The following GANC variants were observed in gnomAD, a reference collection of about 807,000 sequenced individuals.
The protein encoded by GANC is neutral alpha-glucosidase C.
GANC carries 117 observed loss-of-function variants against 124.2 expected under a neutral mutation model. The observed-to-expected ratio is 0.94, with a 90% CI of 0.81 to 1.10. GANC has a LOEUF of 1.10. GANC is among the 50% of genes least tolerant of loss of function. GANC has a pLI of 0.00. For synonymous variants in GANC, 377 were observed against 376.8 expected (o/e 1.00, Z -0.01); for missense variants, 1,140 against 1,095.0 (o/e 1.04, Z -0.58).
chr15:42,328,357 T>C (rs1168555747), intron 13 of GANC, among the ~76,000 whole-genome samples: 1 of 152,152 alleles, frequency 6.6e-6, no homozygotes, highest in Non-Finnish European at 1.5e-5. Flanking sequence ...GCCTGCAAAG[T>C]TGAAAATATT....
chr15:42,319,528 T>G (rs933741570), intron 10 of GANC, among the ~76,000 whole-genome samples: 8 of 116,590 alleles, frequency 6.9e-5, no homozygotes, highest in Non-Finnish European at 1.5e-4. Context: ...TATTTATTTA[T>G]TTTAATTTTT....
intron 10 of GANC, among the ~76,000 whole-genome samples, chr15:42,316,038 A>G (rs145198935): frequency 6.6e-6 from 1 of 152,240 alleles, no homozygotes; most frequent in Non-Finnish European, 1.5e-5. Flanking sequence ...AATCCTATTA[A>G]TTCTGTTTCT....
intron 10 of GANC, among the ~76,000 whole-genome samples, chr15:42,320,630 G>GTTTTTTTTTTTTTTTT (rs1326685972): frequency 6.7e-6 from 1 of 150,316 alleles, no homozygotes; most frequent in African/African-American, 2.5e-5. Context: ...TGTATTTTTA[G>GTTTTTTTTTTTTTTTT]TAGAGACGGG....
intron 6 of GANC, among the ~76,000 whole-genome samples, chr15:42,306,029 T>TG (rs2051992003): frequency 1.2e-4 from 6 of 49,406 alleles, no homozygotes; most frequent in South Asian, 8.7e-4. Flanking sequence ...CCACCATGTC[T>TG]ATTTTTTTTT....
At chr15:42,307,713 T>C (rs1271850577) in intron 7 of GANC, among the ~76,000 whole-genome samples, 1 of 152,232 alleles carries the variant, frequency 6.6e-6, no homozygotes, top group Non-Finnish European at 1.5e-5. Context: ...GAGGAGTATT[T>C]TGAGGAACCA....
At chr15:42,296,629 G>A (rs1171434319) in intron 5 of GANC, among the ~76,000 whole-genome samples, 1 of 152,138 alleles carries the variant, frequency 6.6e-6, no homozygotes. Flanking sequence ...CTGACCTCAG[G>A]TAATCTACCC....
chr15:42,299,376 C>CG (rs2051923418), intron 6 of GANC, among the ~76,000 whole-genome samples: 1 of 152,080 alleles, frequency 6.6e-6, no homozygotes, highest in Non-Finnish European at 1.5e-5. Flanking sequence ...TATTGATTTG[C>CG]ATATGTTGAA....
At chr15:42,296,946 G>T (rs148024211) in intron 5 of GANC, among the ~76,000 whole-genome samples, 1,595 of 146,844 alleles carry the variant, frequency 0.011, 25 homozygotes, top group African/African-American at 0.037. Flanking sequence ...AATACAAACT[G>T]AAATGCATTT....
At chr15:42,334,369 G>A (rs1170396941) in intron 15 of GANC, among the ~76,000 whole-genome samples, 1 of 152,014 alleles carries the variant, frequency 6.6e-6, no homozygotes, top group African/African-American at 2.4e-5. Context: ...ACCATGTTGG[G>A]CAGTCCGGTC....
At chr15:42,326,240 C>T (rs1028049070) in intron 11 of GANC, 58 bp from the exon 12 acceptor site, 27 of 1,232,244 alleles carry the variant, frequency 2.2e-5, no homozygotes, top group East Asian at 1.6e-4. Flanking sequence ...AAAACATATA[C>T]GTGAACATTT....
At chr15:42,340,601 TAA>T (rs369001717) in intron 17 of GANC, 87 bp from the exon 18 acceptor site, 1,653 of 791,458 alleles carry the variant, frequency 2.1e-3, no homozygotes, top group East Asian at 4.0e-3. Flanking sequence ...GAGATCCATC[TAA>T]AAAAAAAAAA....
At chr15:42,319,959 C>T (rs763844147) in intron 10 of GANC, among the ~76,000 whole-genome samples, 4 of 152,008 alleles carry the variant, frequency 2.6e-5, no homozygotes, top group Non-Finnish European at 5.9e-5. Context: ...CCAAGATGGG[C>T]GATCACCTAA....
At chr15:42,304,417 A>C (rs1442590918) in intron 6 of GANC, among the ~76,000 whole-genome samples, 1 of 152,220 alleles carries the variant, frequency 6.6e-6, no homozygotes, top group Non-Finnish European at 1.5e-5. Context: ...AAGGGATGTA[A>C]AGGACCTCTT....
chr15:42,330,816 C>CT (rs1459422478), intron 15 of GANC, 144 bp downstream of exon 15: 1 of 578,360 alleles, frequency 1.7e-6, no homozygotes, highest in Non-Finnish European at 2.8e-6. Flanking sequence ...GAAACAGAGT[C>CT]TCGCTTTGTC....
chr15:42,333,042 T>A (rs1329904950), intron 15 of GANC, among the ~76,000 whole-genome samples: 4 of 115,270 alleles, frequency 3.5e-5, no homozygotes, highest in East Asian at 2.7e-4. Context: ...ATATATATTT[T>A]TTTTGGTCAC....
intron 3 of GANC, among the ~76,000 whole-genome samples, chr15:42,286,773 C>T (rs2141022006): frequency 6.6e-6 from 1 of 152,350 alleles, no homozygotes; most frequent in East Asian, 1.9e-4. Flanking sequence ...ACTTGCACCA[C>T]ATTGTACCCA....
intron 3 of GANC, among the ~76,000 whole-genome samples, chr15:42,280,252 C>A (rs2051718500): frequency 6.6e-6 from 1 of 152,176 alleles, no homozygotes; most frequent in African/African-American, 2.4e-5. Flanking sequence ...TTCCTCCTTG[C>A]CTAGTGTGTT....
intron 1 of GANC, among the ~76,000 whole-genome samples, chr15:42,274,874 G>A (rs2051644068): frequency 6.6e-6 from 1 of 151,792 alleles, no homozygotes. Context: ...CCACTGCTTG[G>A]GCAACAAAGT....
At chr15:42,324,760 CAG>C (rs1377658146) in intron 11 of GANC, among the ~76,000 whole-genome samples, 2 of 152,000 alleles carry the variant, frequency 1.3e-5, no homozygotes, top group African/African-American at 2.4e-5. Context: ...TTCATAGAGA[CAG>C]AAAGTATTAT....
Sources: gnomAD v4.1 joint callset for allele counts (sites outside exome capture counted in the v4.1 genomes callset) on GRCh38, gnomAD v4.1.1 for gene constraint, MANE v1.5 for transcripts, NCBI Gene and HGNC (gene_info 2026-07-23, HGNC 2026-07-21) for gene names.